Variants in USP34 observed in about 807,000 individuals in gnomAD.
The protein encoded by USP34 is ubiquitin specific peptidase 34.
Under a neutral mutation model 460.3 loss-of-function variants are expected in USP34, and 70 were observed. That is an observed-to-expected ratio of 0.15 (90% confidence interval 0.13 to 0.19). The LOEUF (loss-of-function observed/expected upper bound fraction) is 0.19, where lower values mean the gene tolerates loss of function less well. USP34 is among the 10% of genes least tolerant of loss of function. The probability of loss-of-function intolerance (pLI) is 1.00; values close to 1 mark genes in which losing one functional copy is unlikely to be tolerated. For synonymous variants in USP34, 1,647 were observed against 1,405.3 expected (o/e 1.17, Z -3.85); for missense variants, 3,985 against 4,236.2 (o/e 0.94, Z 1.65).
chr2:61,408,948 C>A (rs1693959971), intron 2 of USP34, among the ~76,000 whole-genome samples: 1 of 151,910 alleles, frequency 6.6e-6, no homozygotes, highest in African/African-American at 2.4e-5. Context: ...TCGGGGGGTG[C>A]GCTGTCTCAG....
At chr2:61,341,885 C>T (rs1384071178) in intron 16 of USP34, among the ~76,000 whole-genome samples, 2 of 150,644 alleles carry the variant, frequency 1.3e-5, no homozygotes, top group Non-Finnish European at 2.9e-5. Flanking sequence ...GCCTCAGCGT[C>T]CCGAGTAGCT....
intron 12 of USP34, 53 bp from the exon 13 acceptor site, chr2:61,349,338 T>C (rs375277954): frequency 2.4e-5 from 37 of 1,566,054 alleles, no homozygotes; most frequent in Non-Finnish European, 2.7e-5. Context: ...CTCAGCTTCT[T>C]TGAGACAGCG....
rs191660428 is a variant in USP34 at position 61,368,429 on chromosome 2, C to T, written c.1251+1892G>A. Among the ~76,000 whole-genome samples the T allele has an allele frequency of 1.4e-3, 203 of 149,676 alleles. 1 individual carries two copies. The highest frequency in any genetic ancestry group is 3.4e-3 in the Middle Eastern group (1 of 292). ...CCTGGGTGACAGAGCAAGACTCCAT[C>T]TCAAAAAAAAAAAAGAAGAATGGGC... On this transcript the variant is annotated intron_variant, in intron 10 of 79. Coordinates refer to ENST00000398571, the MANE Select transcript of USP34 (RefSeq NM_014709.4).
chr2:61,334,787 G>C (rs1031009657), intron 18 of USP34, among the ~76,000 whole-genome samples: 7 of 152,162 alleles, frequency 4.6e-5, no homozygotes, highest in East Asian at 1.9e-4. Context: ...CAAACCAAAA[G>C]TAGGAATGTA....
rs1688268963 is a variant in USP34, at chr2:61,241,750, T to A, written c.6681+16A>T. 2 of 1,500,594 alleles carry A rather than the reference T, an allele frequency of 1.3e-6. No individual in the cohort carries two copies. The highest frequency in any genetic ancestry group is 2.3e-5 in the East Asian group (1 of 43,626). 93.0% of individuals were successfully genotyped at this position (1,500,594 alleles called of 1,614,324 possible). ...AGAAAAAACAATATAAAATTATACA[T>A]GAAAAAAATGGTTACCTTTTCAAAA... On this transcript the variant is annotated intron_variant, in intron 52 of 79. Coordinates refer to ENST00000398571, the MANE Select transcript of USP34 (RefSeq NM_014709.4).
chr2:61,206,429 C>T (rs1294091508), intron 71 of USP34, among the ~76,000 whole-genome samples: 1 of 152,182 alleles, frequency 6.6e-6, no homozygotes, highest in African/African-American at 2.4e-5. Flanking sequence ...TCGCATGAAA[C>T]TGCAAATGAT....
At chr2:61,368,847 A>T (rs1692519726) in intron 10 of USP34, among the ~76,000 whole-genome samples, 2 of 152,212 alleles carry the variant, frequency 1.3e-5, no homozygotes, top group African/African-American at 2.4e-5. Flanking sequence ...TAAAAACTAC[A>T]ACCACAAATA....
chr2:61,398,606 A>G, intron 3 of USP34, among the ~76,000 whole-genome samples: 1 of 149,104 alleles, frequency 6.7e-6, no homozygotes. Flanking sequence ...GGAGGGAGAA[A>G]AGGGAAGGAG....
In USP34 at chr2:61,347,916, G is replaced by C. The variant is rs374203130; in HGVS notation, c.2239C>G (p.Pro747Ala). 1.2e-6 allele frequency: 2 copies of C among 1,613,794 alleles called. No homozygotes were observed. The highest frequency in any genetic ancestry group is 2.7e-5 in the African/African-American group (2 of 74,856). Residue 747 changes from proline to alanine, a missense_variant, in exon 15 of 80, where the codon CCA becomes GCA. Pro to Ala is a conservative substitution (Grantham distance 27). This residue lies in a region of USP34 where 716 missense variants were observed against 626.2 expected (regional missense o/e 1.14). Transcript: ENST00000398571. ...TGGTGGTGGTGGTGGTGATGCTGTG[G>C]ACCAATAAATTGTCGACAATTAAAT... ...ELFNCRQFIG[P>A]QHHHHHHHHH...
chr2:61,246,269 A>G lies in USP34; in HGVS notation c.6548+55T>C, dbSNP rs1049338938. ...TTTTAGAAAACTAAACACTGAAAACATATCAGAAAACTACCATAAATTGTT... is the reference window on the plus strand; with the variant it reads ...TTTTAGAAAACTAAACACTGAAAACGTATCAGAAAACTACCATAAATTGTT... On this transcript the variant is annotated intron_variant, in intron 50 of 79. Coordinates refer to ENST00000398571, the MANE Select transcript of USP34 (RefSeq NM_014709.4). 10 of 1,355,956 alleles carry G rather than the reference A, an allele frequency of 7.4e-6. No individual in the cohort carries two copies. In the East Asian group the frequency reaches 1.3e-4, roughly 18 times the overall value. 84.0% of individuals were successfully genotyped at this position (1,355,956 alleles called of 1,614,324 possible).
In USP34 at chr2:61,339,469, A is replaced by C. The variant is rs771185877; in HGVS notation, c.2626T>G (p.Ser876Ala). ...IVQDEDAVNL[S>A]EGLINEAEKL... Reference sequence around the variant, plus strand: ...TCTGCTTCATTTATTAATCCTTCAGAAAGATTAACCTATAAAAAATGTATA... The same window carrying C: ...TCTGCTTCATTTATTAATCCTTCAGCAAGATTAACCTATAAAAAATGTATA... The change falls in exon 18 of 80, where the codon TCT becomes GCT. Residue 876 changes from serine (S) to alanine (A), a missense_variant. Ser to Ala is a moderately conservative substitution (Grantham distance 99, BLOSUM62 1). Coordinates refer to ENST00000398571, the MANE Select transcript of USP34 (RefSeq NM_014709.4). The C allele has an allele frequency of 6.3e-7, 1 of 1,587,520 alleles. No homozygotes were observed. Among genetic ancestry groups the C allele is most frequent in the Non-Finnish European group, 8.6e-7 (1 of 1,167,160 alleles).
At chr2:61,309,058 A>G (rs952710897) in intron 27 of USP34, among the ~76,000 whole-genome samples, 7 of 152,066 alleles carry the variant, frequency 4.6e-5, no homozygotes, top group African/African-American at 1.7e-4. Flanking sequence ...AACAACAACA[A>G]CAACAAAAGA....
intron 61 of USP34, 60 bp from the exon 62 acceptor site, chr2:61,227,278 A>C (rs1687753476): frequency 6.5e-7 from 1 of 1,538,704 alleles, no homozygotes; most frequent in South Asian, 1.2e-5. Flanking sequence ...TTTTGAGAAC[A>C]AATGACTTGT....
chr2:61,380,559 T>C (rs1403409590), intron 6 of USP34, among the ~76,000 whole-genome samples, 198 bp from the exon 7 acceptor site: 1 of 151,844 alleles, frequency 6.6e-6, no homozygotes, highest in Non-Finnish European at 1.5e-5. Context: ...ACATTAGTCT[T>C]CCTCAAGGCC....
chr2:61,334,002 T>C, intron 18 of USP34, 31 bp from the exon 19 acceptor site: 1 of 1,464,756 alleles, frequency 6.8e-7, no homozygotes, highest in Admixed American at 2.2e-5. Context: ...ACAAAATAAT[T>C]TTAGTAATTC....
chr2:61,299,890 C>T (rs763002028), intron 29 of USP34, among the ~76,000 whole-genome samples: 12 of 152,152 alleles, frequency 7.9e-5, no homozygotes, highest in Non-Finnish European at 1.2e-4. Flanking sequence ...TTTGATGTTC[C>T]TCAGGCATCT....
At chr2:61,371,185 A>G (rs983271285) in intron 8 of USP34, among the ~76,000 whole-genome samples, 1 of 152,142 alleles carries the variant, frequency 6.6e-6, no homozygotes, top group Non-Finnish European at 1.5e-5. Context: ...CCTATCACCT[A>G]ATGTCACTGT....
intron 75 of USP34, among the ~76,000 whole-genome samples, chr2:61,201,453 T>C (rs1018113578): frequency 6.6e-6 from 1 of 152,158 alleles, no homozygotes; most frequent in Non-Finnish European, 1.5e-5. Flanking sequence ...GACCTCGTGA[T>C]CCGCCCGCCT....
chr2:61,448,574 A>C (rs1342872283), intron 1 of USP34, among the ~76,000 whole-genome samples: 1 of 152,222 alleles, frequency 6.6e-6, no homozygotes. Context: ...AAATGAAGAT[A>C]TATTTTTAAT....
Sources: gnomAD v4.1 joint callset for allele counts (sites outside exome capture counted in the v4.1 genomes callset) on GRCh38, gnomAD v4.1.1 for gene constraint, gnomAD v4.1.1 regional missense constraint, MANE v1.5 for transcripts, NCBI Gene and HGNC (gene_info 2026-07-23, HGNC 2026-07-21) for gene names.